Variants in FRMPD4 observed in about 807,000 individuals in gnomAD.
FRMPD4 encodes FERM and PDZ domain-containing protein 4.
In FRMPD4, 22 loss-of-function variants were observed where a neutral mutation model predicts 94.1. The observed-to-expected ratio is 0.23, with a 90% CI of 0.17 to 0.33. The LOEUF (loss-of-function observed/expected upper bound fraction) is 0.33, where lower values mean the gene tolerates loss of function less well. Among genes scored for constraint, FRMPD4 ranks in the 10% least tolerant of loss-of-function variants. The pLI is 1.00. For missense variants in FRMPD4, 1,111 were observed against 1,339.9 expected (o/e 0.83, Z 2.67); for synonymous variants, 631 against 548.6 (o/e 1.15, Z -2.10).
chrX:12,702,018 T>A lies in FRMPD4; in HGVS notation c.1070+8T>A. 8.3e-7 allele frequency: 1 copy of A among 1,207,460 alleles called. No individual in the cohort carries two copies. The highest frequency in any genetic ancestry group is 1.1e-6 in the Non-Finnish European group (1 of 891,444). On this transcript the variant is annotated splice_region_variant and intron_variant, in intron 10 of 16. Transcript: ENST00000675598. ...CTCCCTCAAATACATCGAGTAAGTG[T>A]TGACTCTCAGCGCCATTTCGGAGAC...
intron 4 of FRMPD4, among the ~76,000 whole-genome samples, chrX:12,670,663 C>T (rs945836667): frequency 1.9e-4 from 21 of 111,474 alleles, no homozygotes; most frequent in Non-Finnish European, 7.5e-5. Context: ...AATAACATTC[C>T]GGACATTGGA....
rs143999187 is a variant in FRMPD4 at position 12,534,803 on chromosome X, C to T, written c.158+36007C>T. On this transcript the variant is annotated intron_variant, in intron 2 of 16. Coordinates refer to ENST00000675598, the MANE Select transcript of FRMPD4 (RefSeq NM_001368397.1). ...TAACTTCCTTTTGATTTTACAGGCT[C>T]ATAGGCAGAAGGGACTTGCCTTGTT... is the stretch of plus-strand genomic sequence containing the variant. Among the ~76,000 whole-genome samples the T allele has an allele frequency of 2.0e-4, 23 of 112,501 alleles. 1 individual carries two copies. In the East Asian group the frequency reaches 6.4e-3, roughly 32 times the overall value.
chrX:12,538,977 T>A (rs1459046923), intron 2 of FRMPD4, among the ~76,000 whole-genome samples: 4 of 111,857 alleles, frequency 3.6e-5, no homozygotes, highest in Non-Finnish European at 5.6e-5. Flanking sequence ...CTTCAGATGA[T>A]CAAACTTCTG....
chrX:12,699,514 T>C (rs2060166756), intron 9 of FRMPD4, among the ~76,000 whole-genome samples: 1 of 112,333 alleles, frequency 8.9e-6, no homozygotes, highest in Non-Finnish European at 1.9e-5. Flanking sequence ...ACAGCACCGG[T>C]GCAGCATGGG....
intron 3 of FRMPD4, among the ~76,000 whole-genome samples, chrX:11,945,904 CAAGAAGT>C (rs1455599617): frequency 8.9e-6 from 1 of 112,226 alleles, no homozygotes; most frequent in African/African-American, 3.2e-5. Context: ...AGGTTACACA[CAAGAAGT>C]AAGTGGCAGA....
chrX:12,274,744 C>A (rs892516913), intron 1 of FRMPD4, among the ~76,000 whole-genome samples: 1 of 112,299 alleles, frequency 8.9e-6, no homozygotes, highest in East Asian at 2.8e-4. Context: ...GCGCGGTGGC[C>A]CACGCCTGTA....
At chrX:12,677,495 A>G (rs1239707158) in intron 5 of FRMPD4, among the ~76,000 whole-genome samples, 1 of 102,473 alleles carries the variant, frequency 9.8e-6, no homozygotes, top group African/African-American at 3.6e-5. Context: ...AAAAAAAAAA[A>G]TACTTATTGA....
rs200259407 is a variant in FRMPD4 at position 12,316,321 on chromosome X, G to GTT, written c.41+177319_41+177320dup. On this transcript the variant is annotated intron_variant, in intron 1 of 16. Transcript: ENST00000675598. ...GCCACCACGCACAGCTAATTTTTGT[G>GTT]TTTTTTTTTTTAGTAGAGACGAGGT... is the stretch of plus-strand genomic sequence containing the variant. Among the ~76,000 whole-genome samples the GTT allele has an allele frequency of 1.2e-3, 124 of 102,241 alleles. 1 individual carries two copies. Among genetic ancestry groups the GTT allele is most frequent in the Non-Finnish European group, 2.2e-3 (107 of 49,712 alleles). The allele number at this position is 102,241 out of a possible 115,157, so 88.8% of individuals were successfully genotyped here.
chrX:12,366,677 G>C (rs2056085785), intron 1 of FRMPD4, among the ~76,000 whole-genome samples: 1 of 112,485 alleles, frequency 8.9e-6, no homozygotes, highest in Admixed American at 9.4e-5. Flanking sequence ...TCTCACAAGA[G>C]TGATCCAGTC....
intron 3 of FRMPD4, among the ~76,000 whole-genome samples, chrX:12,095,896 C>G (rs747918751): frequency 5.3e-5 from 6 of 112,381 alleles, no homozygotes; most frequent in African/African-American, 1.6e-4. Flanking sequence ...TGTTTCCAGA[C>G]CCCTCTCCAT....
At chrX:11,993,376 G>A (rs2054476084) in intron 3 of FRMPD4, among the ~76,000 whole-genome samples, 4 of 111,083 alleles carry the variant, frequency 3.6e-5, no homozygotes, top group Admixed American at 2.9e-4. Context: ...TGTGGTGGAG[G>A]GCTATCCTAC....
At chrX:12,262,913 G>A (rs2054214442) in intron 1 of FRMPD4, among the ~76,000 whole-genome samples, 2 of 111,777 alleles carry the variant, frequency 1.8e-5, no homozygotes, top group Admixed American at 1.9e-4. Context: ...AAGTCACTGG[G>A]CATGTGGGTC....
upstream of FRMPD4, among the ~76,000 whole-genome samples, chrX:12,133,583 C>A (rs2055571422): frequency 9.0e-6 from 1 of 111,715 alleles, no homozygotes; most frequent in East Asian, 2.8e-4. Flanking sequence ...AGCCACCACG[C>A]CTGACCGAAC....
rs187388777 is a variant in FRMPD4, at chrX:12,032,107, A to G, written c.95+154089A>G. Among the ~76,000 whole-genome samples, 257 of 112,275 alleles carry G rather than the reference A, an allele frequency of 2.3e-3. 1 individual carries two copies. Among genetic ancestry groups the G allele is most frequent in the African/African-American group, 7.2e-3 (224 of 30,935 alleles). ...ATACAAAATAAACATGCATGCTTGG[A>G]TATTCAAGTAGTGTGATCCAACAGG... is the stretch of plus-strand genomic sequence containing the variant. On this transcript the variant is annotated intron_variant, in intron 3 of 18. Coordinates refer to the FRMPD4 transcript ENST00000640291.
intron 1 of FRMPD4, among the ~76,000 whole-genome samples, chrX:12,164,376 C>A (rs1206193727): frequency 8.9e-6 from 1 of 112,080 alleles, no homozygotes; most frequent in Non-Finnish European, 1.9e-5. Context: ...AGGACATGAA[C>A]TCATCCTTTT....
At chrX:12,618,865 G>A (rs1310411300) in intron 4 of FRMPD4, among the ~76,000 whole-genome samples, 1 of 111,597 alleles carries the variant, frequency 9.0e-6, no homozygotes, top group Non-Finnish European at 1.9e-5. Context: ...TATTAGAATG[G>A]TTTTTGACTC....
chrX:12,665,154 A>G (rs921659152), intron 4 of FRMPD4, among the ~76,000 whole-genome samples: 1 of 111,646 alleles, frequency 9.0e-6, no homozygotes, highest in African/African-American at 3.3e-5. Flanking sequence ...AAAAAGAAAA[A>G]AAAACGTGCT....
chrX:12,213,194 C>G (rs1282014318), intron 1 of FRMPD4, among the ~76,000 whole-genome samples: 2 of 111,875 alleles, frequency 1.8e-5, no homozygotes, highest in African/African-American at 6.5e-5. Flanking sequence ...TGCCAGTCTT[C>G]TTCCAGAATG....
intron 1 of FRMPD4, among the ~76,000 whole-genome samples, chrX:12,166,733 G>A (rs772788866): frequency 2.7e-5 from 3 of 111,569 alleles, no homozygotes; most frequent in African/African-American, 9.8e-5. Flanking sequence ...TTCAGAGCCT[G>A]TTATTGGTCT....
Sources: gnomAD v4.1 joint callset for allele counts (sites outside exome capture counted in the v4.1 genomes callset) on GRCh38, gnomAD v4.1.1 for gene constraint, MANE v1.5 for transcripts, NCBI Gene and HGNC (gene_info 2026-07-23, HGNC 2026-07-21) for gene names.